SLC15A5: variants seen among roughly 807,000 people sequenced by gnomAD.
SLC15A5 encodes the protein solute carrier family 15 member 5.
SLC15A5 carries 58 observed loss-of-function variants against 56.1 expected under a neutral mutation model. The ratio of observed to expected loss-of-function variants is 1.03; its 90% CI spans 0.84 to 1.29. SLC15A5 has a LOEUF of 1.29. SLC15A5 is among the 50% of genes most tolerant of loss of function. The pLI is 0.00. For synonymous variants in SLC15A5, 264 were observed against 250.5 expected (o/e 1.05, Z -0.51); for missense variants, 681 against 672.1 (o/e 1.01, Z -0.15).
At chr12:16,257,558 G>C in intron 3 of SLC15A5, 143 bp downstream of exon 3, 1 of 560,666 alleles carries the variant, frequency 1.8e-6, no homozygotes, top group Non-Finnish European at 2.7e-6. Flanking sequence ...TATTCTTGCA[G>C]ACCATTGCTT....
chr12:16,201,002 A>G (rs1342122440), intron 7 of SLC15A5, among the ~76,000 whole-genome samples: 1 of 152,162 alleles, frequency 6.6e-6, no homozygotes, highest in Non-Finnish European at 1.5e-5. Flanking sequence ...ATATGTAACA[A>G]CAGATACAGA....
At chr12:16,259,902 G>GGT (rs1555173555) in intron 2 of SLC15A5, among the ~76,000 whole-genome samples, 3 of 149,992 alleles carry the variant, frequency 2.0e-5, no homozygotes, top group Non-Finnish European at 4.4e-5. Context: ...CCACCCGGGC[G>GGT]GGGGGTAAGT....
At chr12:16,222,432 C>A (rs1244279703) in intron 6 of SLC15A5, among the ~76,000 whole-genome samples, 1 of 152,034 alleles carries the variant, frequency 6.6e-6, no homozygotes, top group African/African-American at 2.4e-5. Flanking sequence ...GTCTCTCATT[C>A]CCATTGATGC....
chr12:16,235,258 A>ATATATATG lies in SLC15A5; in HGVS notation c.1162+4415_1162+4422dup, dbSNP rs148589715. On this transcript the variant is annotated intron_variant, in intron 5 of 8. Coordinates refer to ENST00000344941, the MANE Select transcript of SLC15A5 (RefSeq NM_001170798.1). This position sits in a 1 kb window ranked among gnomAD's most constrained non-coding sequence, Gnocchi z 4.1. Reference sequence around the variant, plus strand: ...CGACATGTTATAAGTATATATGTGTATATATATGTATATGTATATATATGT... The same window carrying ATATATATG: ...CGACATGTTATAAGTATATATGTGTATATATATGTATATATGTATATGTATATATATGT... 0.42 allele frequency among the ~76,000 whole-genome samples: 61,245 copies of ATATATATG among 145,620 alleles called. 13,040 individuals are homozygous for ATATATATG. The highest frequency in any genetic ancestry group is 0.6 in the South Asian group (2,782 of 4,670).
chr12:16,236,064 C>T (rs1864349363), intron 5 of SLC15A5, among the ~76,000 whole-genome samples: 1 of 152,026 alleles, frequency 6.6e-6, no homozygotes, highest in African/African-American at 2.4e-5. Flanking sequence ...TAATTGCTAC[C>T]TACTGTGTTG....
intron 8 of SLC15A5, among the ~76,000 whole-genome samples, chr12:16,191,794 G>T (rs1028887508): frequency 6.6e-6 from 1 of 152,062 alleles, no homozygotes; most frequent in Non-Finnish European, 1.5e-5. Flanking sequence ...ATGTGCTTTG[G>T]CATTGATGTC....
At chr12:16,209,349 A>G (rs1208266638) in intron 7 of SLC15A5, among the ~76,000 whole-genome samples, 12 of 151,982 alleles carry the variant, frequency 7.9e-5, no homozygotes. Flanking sequence ...TTTCTGTGGC[A>G]AACTAGTTCC....
chr12:16,255,238 T>G (rs985760821), intron 3 of SLC15A5, among the ~76,000 whole-genome samples: 2 of 152,098 alleles, frequency 1.3e-5, no homozygotes, highest in Admixed American at 6.6e-5. Flanking sequence ...TTATGTGTTT[T>G]TTTACCACAA....
intron 8 of SLC15A5, among the ~76,000 whole-genome samples, chr12:16,192,025 G>T (rs1022569118): frequency 6.6e-6 from 1 of 152,144 alleles, no homozygotes; most frequent in Non-Finnish European, 1.5e-5. Context: ...TAGTATAGAA[G>T]TGTAGAAGCA....
chr12:16,256,913 A>AATAGATAAATAGATAGATAGATAG (rs1205795650), intron 3 of SLC15A5, among the ~76,000 whole-genome samples: 2 of 148,480 alleles, frequency 1.3e-5, no homozygotes, highest in African/African-American at 5.0e-5. Context: ...ATGCATGGGG[A>AATAGATAAATAGATAGATAGATAG]ATAGATAGAT....
At chr12:16,239,365 T>C (rs1329918406) in intron 5 of SLC15A5, among the ~76,000 whole-genome samples, 1 of 152,208 alleles carries the variant, frequency 6.6e-6, no homozygotes, top group Non-Finnish European at 1.5e-5. Context: ...TTTAAGAACC[T>C]ATTTGACATA....
chr12:16,233,725 T>C (rs1297824518), intron 5 of SLC15A5, among the ~76,000 whole-genome samples: 4 of 152,220 alleles, frequency 2.6e-5, no homozygotes, highest in African/African-American at 9.6e-5. Context: ...TCTTTGATAC[T>C]GAAAGTGTCC....
At chr12:16,276,030 C>A (rs1385218438) in intron 1 of SLC15A5, among the ~76,000 whole-genome samples, 2 of 151,854 alleles carry the variant, frequency 1.3e-5, no homozygotes, top group Non-Finnish European at 2.9e-5. Flanking sequence ...TTTATTTTCT[C>A]TCTCCCTGCA....
chr12:16,229,290 C>T lies in SLC15A5; in HGVS notation c.1163-4688G>A, dbSNP rs191747343. ...TTCAGTCTAATTGCCTTGCTACTTT[C>T]TACTGTCTGACCAGGTTTCAGCCAC... On this transcript the variant is annotated intron_variant, in intron 5 of 8. Transcript: ENST00000344941. Among the ~76,000 whole-genome samples the T allele has an allele frequency of 5.3e-5, 8 of 152,288 alleles. No homozygotes were observed. The East Asian group carries it at 1.3e-3, about 26-fold the overall frequency.
At chr12:16,253,016 G>C (rs2136801152) in intron 3 of SLC15A5, among the ~76,000 whole-genome samples, 1 of 147,392 alleles carries the variant, frequency 6.8e-6, no homozygotes, top group Non-Finnish European at 1.5e-5. Context: ...TTTCATCAGG[G>C]GTGCCAAGAC....
chr12:16,194,445 A>G lies in SLC15A5; in HGVS notation c.1492T>C (p.Phe498Leu). Residue 498 changes from phenylalanine (F) to leucine (L), a missense_variant, in exon 8 of 9, where the codon TTT (phenylalanine) becomes CTT (leucine). By Grantham distance (22) the Phe-to-Leu change is conservative. Transcript: ENST00000344941. ...LVYLISDGNW[F>L]PNTLNKGNLE... Reference sequence around the variant, plus strand: ...TTGCCTTTGTTTAATGTGTTTGGAAACCAATTGCCTGTTTGGAACAAATGT... The same window carrying G: ...TTGCCTTTGTTTAATGTGTTTGGAAGCCAATTGCCTGTTTGGAACAAATGT... The G allele has an allele frequency of 2.0e-6, 3 of 1,531,398 alleles. No individual in the cohort carries two copies. In the Admixed American group the frequency reaches 5.9e-5, roughly 30 times the overall value. 94.9% of individuals were successfully genotyped at this position (1,531,398 alleles called of 1,614,324 possible).
intron 3 of SLC15A5, among the ~76,000 whole-genome samples, chr12:16,247,873 TA>T (rs1291721573): frequency 2.0e-5 from 3 of 152,098 alleles, no homozygotes; most frequent in Non-Finnish European, 4.4e-5. Flanking sequence ...ATGTATATTT[TA>T]AAATAGTTAC....
chr12:16,262,378 C>G (rs1217369988), intron 2 of SLC15A5, among the ~76,000 whole-genome samples: 2 of 152,110 alleles, frequency 1.3e-5, no homozygotes, highest in African/African-American at 4.8e-5. Context: ...GTTGTCCTGC[C>G]TCTTCAGACT....
chr12:16,209,226 T>C (rs7974125), intron 7 of SLC15A5, among the ~76,000 whole-genome samples: 79,999 of 129,654 alleles, frequency 0.62, 21,511 homozygotes, highest in South Asian at 0.76. Context: ...TTCTTTCTTA[T>C]CTTCAGTGAA....
Sources: allele counts gnomAD v4.1 joint callset (sites outside exome capture counted in the v4.1 genomes callset), GRCh38; gene constraint gnomAD v4.1.1; non-coding constraint Gnocchi (gnomAD v3.1); transcripts MANE v1.5; gene names NCBI Gene and HGNC (gene_info 2026-07-23, HGNC 2026-07-21).